NR3C2: variants seen among roughly 807,000 people sequenced by gnomAD.
NR3C2 encodes nuclear receptor subfamily 3 group C member 2.
In NR3C2, 15 loss-of-function variants were observed where a neutral mutation model predicts 86.4. The observed-to-expected ratio is 0.17, with a 90% confidence interval of 0.12 to 0.27. NR3C2 has a LOEUF of 0.27. NR3C2 is among the 10% of genes least tolerant of loss of function. The pLI is 1.00. For missense variants in NR3C2, 960 were observed against 1,195.6 expected (o/e 0.80, Z 2.91); for synonymous variants, 458 against 450.5 (o/e 1.02, Z -0.21).
chr4:148,326,066 T>C (rs1743950920), intron 2 of NR3C2, among the ~76,000 whole-genome samples: 1 of 152,048 alleles, frequency 6.6e-6, no homozygotes, highest in African/African-American at 2.4e-5. Context: ...TGGACGCAGG[T>C]TGGGGTAAAA....
chr4:148,361,015 CTT>C (rs988919114), intron 2 of NR3C2, among the ~76,000 whole-genome samples: 7 of 152,126 alleles, frequency 4.6e-5, no homozygotes, highest in African/African-American at 1.4e-4. Context: ...TTGTAATTAT[CTT>C]TGTGTTTTTT....
intron 4 of NR3C2, among the ~76,000 whole-genome samples, chr4:148,162,359 G>T (rs190573650): frequency 2.0e-5 from 3 of 152,204 alleles, no homozygotes; most frequent in Non-Finnish European, 4.4e-5. Context: ...ATTTTCTGTA[G>T]CTATATTCTT....
At chr4:148,424,014 AC>A (rs772334107) in intron 2 of NR3C2, among the ~76,000 whole-genome samples, 3 of 152,230 alleles carry the variant, frequency 2.0e-5, no homozygotes, top group Non-Finnish European at 4.4e-5. Context: ...CGCCCAGCCT[AC>A]CAATACAGAA....
chr4:148,384,424 A>G (rs1747161895), intron 2 of NR3C2, among the ~76,000 whole-genome samples: 1 of 152,020 alleles, frequency 6.6e-6, no homozygotes, highest in African/African-American at 2.4e-5. Flanking sequence ...TTTCTAAGAG[A>G]AAATACTGAA....
intron 2 of NR3C2, among the ~76,000 whole-genome samples, chr4:148,364,544 T>C (rs1746011619): frequency 6.6e-6 from 1 of 152,276 alleles, no homozygotes; most frequent in Non-Finnish European, 1.5e-5. Flanking sequence ...TCATATTAGA[T>C]GCCTCTTAAC....
intron 7 of NR3C2, among the ~76,000 whole-genome samples, chr4:148,116,554 T>C (rs913201253): frequency 2.0e-5 from 3 of 152,250 alleles, no homozygotes; most frequent in Non-Finnish European, 4.4e-5. Context: ...AAAACTTTGA[T>C]ACACTGGATA....
chr4:148,120,921 C>T (rs1358730036), intron 6 of NR3C2, among the ~76,000 whole-genome samples: 1 of 152,202 alleles, frequency 6.6e-6, no homozygotes, highest in African/African-American at 2.4e-5. Flanking sequence ...TCCACACACA[C>T]AACCAAACAA....
intron 6 of NR3C2, among the ~76,000 whole-genome samples, chr4:148,122,254 C>T (rs757732595): frequency 1.3e-5 from 2 of 152,064 alleles, no homozygotes; most frequent in East Asian, 1.9e-4. Context: ...TTTTCCTTCT[C>T]GCACTGAGTA....
intron 6 of NR3C2, among the ~76,000 whole-genome samples, chr4:148,148,699 A>G (rs1232810771): frequency 6.6e-6 from 1 of 152,174 alleles, no homozygotes; most frequent in African/African-American, 2.4e-5. Flanking sequence ...AATCATTCCC[A>G]AGGAAGACTT....
At chr4:148,349,794 T>C (rs1366418627) in intron 2 of NR3C2, among the ~76,000 whole-genome samples, 3 of 152,088 alleles carry the variant, frequency 2.0e-5, no homozygotes, top group Non-Finnish European at 4.4e-5. Context: ...TTGCTAAATT[T>C]CTTTGAGTCT....
chr4:148,384,462 C>T (rs913357688), intron 2 of NR3C2, among the ~76,000 whole-genome samples: 1 of 147,014 alleles, frequency 6.8e-6, no homozygotes, highest in Non-Finnish European at 1.5e-5. Flanking sequence ...TTACAATCCA[C>T]AAATAAGAAT....
At chr4:148,148,589 C>T (rs1193848348) in intron 6 of NR3C2, among the ~76,000 whole-genome samples, 1 of 152,106 alleles carries the variant, frequency 6.6e-6, no homozygotes, top group Non-Finnish European at 1.5e-5. Context: ...CATTGAAGGC[C>T]CATGTTTCTT....
At chr4:148,365,628 G>C (rs74724834) in intron 2 of NR3C2, among the ~76,000 whole-genome samples, 31,441 of 128,316 alleles carry the variant, frequency 0.25, 3,454 homozygotes, top group Non-Finnish European at 0.29. Context: ...TGGGAAATAA[G>C]AAGATCCAGC....
chr4:148,161,839 A>G (rs1300813959), intron 4 of NR3C2, among the ~76,000 whole-genome samples: 1 of 152,218 alleles, frequency 6.6e-6, no homozygotes, highest in Non-Finnish European at 1.5e-5. Flanking sequence ...TCGATATATA[A>G]TAAAGTAATT....
In NR3C2 at chr4:148,080,741, TA is replaced by T; in HGVS notation, c.*602del. 1 of 340,882 alleles carries T rather than the reference TA, an allele frequency of 2.9e-6. No individual in the cohort carries two copies. Among genetic ancestry groups the T allele is most frequent in the South Asian group, 2.3e-5 (1 of 44,104 alleles). The allele number at this position is 340,882 out of a possible 1,614,324, so 21.1% of individuals were successfully genotyped here. ...CATCATCTTATCCATTCTAATTAAATAAGAAATGGACGCTAACGAGTGTGTA... is the reference window on the plus strand; with the variant it reads ...CATCATCTTATCCATTCTAATTAAATAGAAATGGACGCTAACGAGTGTGTA... On this transcript the variant is annotated 3_prime_UTR_variant, in exon 9 of 9. Transcript: ENST00000358102.
intron 2 of NR3C2, among the ~76,000 whole-genome samples, chr4:148,278,841 C>A (rs1347912613): frequency 6.6e-6 from 1 of 151,762 alleles, no homozygotes; most frequent in Non-Finnish European, 1.5e-5. Flanking sequence ...TACTAAAATG[C>A]AAACTACTCA....
At chr4:148,438,889 C>T (rs1469592491) in intron 1 of NR3C2, among the ~76,000 whole-genome samples, 1 of 152,150 alleles carries the variant, frequency 6.6e-6, no homozygotes, top group Admixed American at 6.5e-5. Context: ...AAAAAATTTT[C>T]AACTATTATA....
chr4:148,324,838 T>C (rs1432118290), intron 2 of NR3C2, among the ~76,000 whole-genome samples: 1 of 152,228 alleles, frequency 6.6e-6, no homozygotes, highest in African/African-American at 2.4e-5. Context: ...GGGGGAAGAA[T>C]CATCCTGCCT....
intron 4 of NR3C2, among the ~76,000 whole-genome samples, chr4:148,192,959 G>C (rs1190010030): frequency 6.6e-6 from 1 of 152,230 alleles, no homozygotes; most frequent in Non-Finnish European, 1.5e-5. Flanking sequence ...GAAGTCTGCA[G>C]GCCTGATTTG....
Sources: gnomAD v4.1 joint callset for allele counts (sites outside exome capture counted in the v4.1 genomes callset) on GRCh38, gnomAD v4.1.1 for gene constraint, MANE v1.5 for transcripts, NCBI Gene and HGNC (gene_info 2026-07-23, HGNC 2026-07-21) for gene names.